Variants in CACNG5 observed in about 807,000 individuals in gnomAD.
The protein encoded by CACNG5 is voltage-dependent calcium channel gamma-5 subunit.
A neutral mutation model predicts 24.8 loss-of-function variants in CACNG5; 18 were observed. That is an observed-to-expected ratio of 0.73 (90% CI 0.50 to 1.08). The LOEUF (loss-of-function observed/expected upper bound fraction) is 1.08, where lower values mean the gene tolerates loss of function less well. Among genes scored for constraint, CACNG5 ranks in the 50% least tolerant of loss-of-function variants. CACNG5 has a pLI of 0.00. For missense variants in CACNG5, 349 were observed against 367.9 expected (o/e 0.95, Z 0.42); for synonymous variants, 157 against 149.1 (o/e 1.05, Z -0.39).
intron 1 of CACNG5, among the ~76,000 whole-genome samples, chr17:66,853,616 T>C (rs1976734828): frequency 6.6e-6 from 1 of 152,208 alleles, no homozygotes; most frequent in Admixed American, 6.5e-5. Context: ...AGAGTATATA[T>C]GTAAGACAAC....
At chr17:66,883,665 A>G (rs1194945477) in intron 4 of CACNG5, among the ~76,000 whole-genome samples, 11 of 152,168 alleles carry the variant, frequency 7.2e-5, no homozygotes, top group Non-Finnish European at 4.4e-5. Flanking sequence ...CTACCTAAAG[A>G]TCTCAGACAG....
At chr17:66,840,773 G>A (rs1200569103) in intron 1 of CACNG5, among the ~76,000 whole-genome samples, 2 of 152,160 alleles carry the variant, frequency 1.3e-5, no homozygotes, top group African/African-American at 2.4e-5. Context: ...CAGTGACAGC[G>A]AGACCCCAGG....
chr17:66,839,663 A>C (rs1976536585), intron 1 of CACNG5, among the ~76,000 whole-genome samples: 5 of 83,688 alleles, frequency 6.0e-5, no homozygotes, highest in Admixed American at 1.1e-4. Flanking sequence ...AAATGGAGGA[A>C]CATGGAGGGG....
rs151263983 is a variant in CACNG5, at chr17:66,885,347, C to G, written c.*107C>G. On this transcript the variant is annotated 3_prime_UTR_variant, in exon 6 of 6. Coordinates refer to ENST00000533854, the MANE Select transcript of CACNG5 (RefSeq NM_145811.3). ...CTGTGGTTGACAGGCCCAGGCCACC[C>G]ATGCTTAGCTGTTGTCACTTGACCC... 2.0e-4 allele frequency: 271 copies of G among 1,362,450 alleles called. 4 individuals are homozygous for G. The East Asian group carries it at 6.3e-3, about 32-fold the overall frequency. The allele number at this position is 1,362,450 out of a possible 1,614,324, so 84.4% of individuals were successfully genotyped here.
chr17:66,849,793 G>A (rs766312333), intron 1 of CACNG5, among the ~76,000 whole-genome samples: 5 of 152,162 alleles, frequency 3.3e-5, no homozygotes, highest in Non-Finnish European at 7.3e-5. Context: ...TGAATCCCAG[G>A]GTCAAGGTCA....
At chr17:66,870,404 T>A (rs540214012) in intron 1 of CACNG5, among the ~76,000 whole-genome samples, 1 of 152,058 alleles carries the variant, frequency 6.6e-6, no homozygotes, top group Admixed American at 6.5e-5. Context: ...AGAGGTGGTT[T>A]TCCCCTCAAA....
Position 66,884,903 on chromosome 17 carries a change from G to A in CACNG5, c.571-80G>A, listed in dbSNP as rs532716428. 15 of 1,613,806 alleles carry A rather than the reference G, an allele frequency of 9.3e-6. No homozygotes were observed. In the South Asian group the frequency reaches 1.3e-4, roughly 14 times the overall value. ...GTCCACTTCCCACCCCACTCGAGCTGTGTCCTGTGCAGACCCCAGCCAAGG... is the reference window on the plus strand; with the variant it reads ...GTCCACTTCCCACCCCACTCGAGCTATGTCCTGTGCAGACCCCAGCCAAGG... On this transcript the variant is annotated intron_variant, in intron 5 of 5. Coordinates refer to ENST00000533854, the MANE Select transcript of CACNG5 (RefSeq NM_145811.3).
At chr17:66,867,461 C>T (rs1045135152) in intron 1 of CACNG5, among the ~76,000 whole-genome samples, 2 of 152,022 alleles carry the variant, frequency 1.3e-5, no homozygotes, top group Admixed American at 6.6e-5. Context: ...CTGTGCAGAA[C>T]CTCTTTAGTT....
intron 1 of CACNG5, among the ~76,000 whole-genome samples, chr17:66,860,505 G>GA (rs77986019): frequency 6.2e-5 from 9 of 145,744 alleles, no homozygotes; most frequent in Non-Finnish European, 1.4e-4. Context: ...AGTGCTGGAA[G>GA]AAAAAAAAAA....
At chr17:66,879,138 C>T (rs1313495926) in intron 3 of CACNG5, 80 bp downstream of exon 3, 1 of 1,055,988 alleles carries the variant, frequency 9.5e-7, no homozygotes, top group Non-Finnish European at 1.5e-6. Context: ...AGTGTGCCAG[C>T]ATATTTCTCA....
At chr17:66,861,623 G>A (rs1976860340) in intron 1 of CACNG5, among the ~76,000 whole-genome samples, 1 of 152,228 alleles carries the variant, frequency 6.6e-6, no homozygotes, top group South Asian at 2.1e-4. Context: ...GCCTGGGTCT[G>A]ATAGATGACC....
At chr17:66,853,398 T>C (rs997758276) in intron 1 of CACNG5, among the ~76,000 whole-genome samples, 2 of 152,210 alleles carry the variant, frequency 1.3e-5, no homozygotes, top group Non-Finnish European at 2.9e-5. Context: ...AAGAGCATGT[T>C]TGACTTTACA....
chr17:66,861,227 TG>T (rs1194498331), intron 1 of CACNG5, among the ~76,000 whole-genome samples: 31 of 152,194 alleles, frequency 2.0e-4, no homozygotes, highest in Admixed American at 3.9e-4. Flanking sequence ...TGACATCAAG[TG>T]GTAACTCACA....
chr17:66,878,352 C>T (rs1977112827), intron 2 of CACNG5, among the ~76,000 whole-genome samples: 1 of 152,236 alleles, frequency 6.6e-6, no homozygotes, highest in South Asian at 2.1e-4. Flanking sequence ...CACAGTTTGG[C>T]TCTCCCAGCC....
At position 66,885,348 on chromosome 17, in the gene CACNG5, A is replaced by C; in HGVS notation, c.*108A>C. 7.4e-7 allele frequency: 1 copy of C among 1,352,796 alleles called. No homozygotes were observed. The highest frequency in any genetic ancestry group is 1.0e-6 in the Non-Finnish European group (1 of 1,002,834). The allele number at this position is 1,352,796 out of a possible 1,614,324, so 83.8% of individuals were successfully genotyped here. A position where few individuals can be genotyped will look rare whatever the true frequency, so the allele number is the denominator to read the frequency against. The stretch of plus-strand genomic sequence containing the variant: ...TGTGGTTGACAGGCCCAGGCCACCC[A>C]TGCTTAGCTGTTGTCACTTGACCCC... On this transcript the variant is annotated 3_prime_UTR_variant, in exon 6 of 6. Coordinates refer to ENST00000533854, the MANE Select transcript of CACNG5 (RefSeq NM_145811.3).
At chr17:66,840,903 G>A (rs142609415) in intron 1 of CACNG5, among the ~76,000 whole-genome samples, 30 of 152,306 alleles carry the variant, frequency 2.0e-4, no homozygotes, top group African/African-American at 6.5e-4. Flanking sequence ...AGTGGCTATC[G>A]GAGGTGGTGT....
At chr17:66,868,883 G>C (rs962956318) in intron 1 of CACNG5, among the ~76,000 whole-genome samples, 13 of 152,154 alleles carry the variant, frequency 8.5e-5, no homozygotes, top group African/African-American at 2.4e-4. Context: ...ATATGGAGAT[G>C]AGAGAGGAGA....
At chr17:66,854,628 A>G (rs2143055974) in intron 1 of CACNG5, among the ~76,000 whole-genome samples, 1 of 152,108 alleles carries the variant, frequency 6.6e-6, no homozygotes, top group Non-Finnish European at 1.5e-5. Context: ...TGGGAGGCAG[A>G]GGTTGCAGTG....
chr17:66,875,347 G>T (rs1977061670), intron 1 of CACNG5, among the ~76,000 whole-genome samples: 1 of 152,164 alleles, frequency 6.6e-6, no homozygotes, highest in Non-Finnish European at 1.5e-5. Flanking sequence ...ACACAGGAAG[G>T]ATCATTGTGG....
Sources: allele counts gnomAD v4.1 joint callset (sites outside exome capture counted in the v4.1 genomes callset), GRCh38; gene constraint gnomAD v4.1.1; transcripts MANE v1.5; gene names NCBI Gene and HGNC (gene_info 2026-07-23, HGNC 2026-07-21).